The following IL1RAPL1 variants were observed in gnomAD, a reference collection of about 807,000 sequenced individuals.
IL1RAPL1 encodes interleukin 1 receptor accessory protein like 1.
Under a neutral mutation model 48.4 loss-of-function variants are expected in IL1RAPL1, and 3 were observed. That is an observed-to-expected ratio of 0.06 (90% CI 0.03 to 0.16). The LOEUF (loss-of-function observed/expected upper bound fraction) is 0.16. IL1RAPL1 is among the 10% of genes least tolerant of loss of function. IL1RAPL1 has a pLI of 1.00. For synonymous variants in IL1RAPL1, 185 were observed against 187.7 expected (o/e 0.99, Z 0.12); for missense variants, 349 against 530.6 (o/e 0.66, Z 3.36).
chrX:29,463,968 G>A (rs998160053), intron 5 of IL1RAPL1, among the ~76,000 whole-genome samples: 2 of 111,377 alleles, frequency 1.8e-5, no homozygotes, highest in Non-Finnish European at 1.9e-5. Context: ...TGGATATCCA[G>A]CCCAGTCCAG....
chrX:29,381,491 CAAAAAAAAAAAAAAAAAAAAAAA>C (rs548019465), intron 3 of IL1RAPL1, among the ~76,000 whole-genome samples: 8 of 6,461 alleles, frequency 1.2e-3, no homozygotes, highest in Middle Eastern at 0.5. Flanking sequence ...CTCATCTCTA[CAAAAAAAAAAAAAAAAAAAAAAA>C]AAAAAAAAAA....
At chrX:29,726,972 A>T (rs1483085182) in intron 6 of IL1RAPL1, among the ~76,000 whole-genome samples, 2 of 112,264 alleles carry the variant, frequency 1.8e-5, no homozygotes, top group Admixed American at 9.4e-5. Flanking sequence ...AAGGTGGTAC[A>T]GTCAGTGACA....
intron 8 of IL1RAPL1, among the ~76,000 whole-genome samples, chrX:29,922,076 G>A (rs140706994): frequency 0.046 from 5,092 of 110,424 alleles, 315 homozygotes; most frequent in African/African-American, 0.16. Flanking sequence ...GGACAAGGGA[G>A]GGGTGACAGT....
chrX:28,896,588 G>A (rs979699036), intron 2 of IL1RAPL1, among the ~76,000 whole-genome samples: 5 of 111,229 alleles, frequency 4.5e-5, no homozygotes, highest in Non-Finnish European at 7.5e-5. Context: ...AAGCTGGACC[G>A]GGTGTCAGGA....
At chrX:29,942,489 C>T (rs1398240682) in intron 9 of IL1RAPL1, among the ~76,000 whole-genome samples, 1 of 111,200 alleles carries the variant, frequency 9.0e-6, no homozygotes, top group Non-Finnish European at 1.9e-5. Context: ...AAATTCAGCT[C>T]CCTAAACTGC....
At chrX:29,176,152 G>C (rs1222419262) in intron 2 of IL1RAPL1, among the ~76,000 whole-genome samples, 1 of 99,542 alleles carries the variant, frequency 1.0e-5, no homozygotes. Context: ...GAAGTGCAGT[G>C]GTGCGATCTC....
At chrX:29,554,599 A>G (rs778547443) in intron 5 of IL1RAPL1, among the ~76,000 whole-genome samples, 1 of 111,875 alleles carries the variant, frequency 8.9e-6, no homozygotes, top group South Asian at 3.7e-4. Flanking sequence ...TTATTGAAGT[A>G]TCTTCTCTCA....
At chrX:29,864,134 T>C (rs1436160874) in intron 6 of IL1RAPL1, among the ~76,000 whole-genome samples, 4 of 112,512 alleles carry the variant, frequency 3.6e-5, no homozygotes, top group African/African-American at 1.3e-4. Flanking sequence ...AATTTACATT[T>C]CTAACAAGTT....
chrX:28,791,749 GT>G (rs1322353302), intron 2 of IL1RAPL1, among the ~76,000 whole-genome samples: 124 of 111,868 alleles, frequency 1.1e-3, no homozygotes, highest in African/African-American at 3.8e-3. Context: ...AGGCTTGTTT[GT>G]TTGTTTGATT....
intron 2 of IL1RAPL1, among the ~76,000 whole-genome samples, chrX:28,831,026 C>CTCTCTCTCTCTCTGTG (rs1438889606): frequency 1.8e-4 from 6 of 33,645 alleles, no homozygotes; most frequent in African/African-American, 4.5e-4. Context: ...CTCTCTCTCT[C>CTCTCTCTCTCTCTGTG]TGTGTGTGTG....
chrX:29,775,438 G>A (rs745576818), intron 6 of IL1RAPL1, among the ~76,000 whole-genome samples: 2 of 111,768 alleles, frequency 1.8e-5, no homozygotes, highest in South Asian at 3.8e-4. Flanking sequence ...TCATCCTTTT[G>A]TGGAAGAAAC....
intron 2 of IL1RAPL1, among the ~76,000 whole-genome samples, chrX:28,920,326 G>A (rs1923585255): frequency 9.0e-6 from 1 of 111,560 alleles, no homozygotes; most frequent in African/African-American, 3.3e-5. Context: ...CTATATTGCT[G>A]CTCTGAATCT....
chrX:29,033,519 G>C (rs1413437501), intron 2 of IL1RAPL1, among the ~76,000 whole-genome samples: 3 of 110,892 alleles, frequency 2.7e-5, no homozygotes, highest in Non-Finnish European at 5.7e-5. Context: ...CGAGATGGGA[G>C]AGTCTTGATC....
intron 2 of IL1RAPL1, among the ~76,000 whole-genome samples, chrX:29,114,514 C>T (rs956432568): frequency 8.9e-6 from 1 of 111,922 alleles, no homozygotes; most frequent in Non-Finnish European, 1.9e-5. Flanking sequence ...AAAATTTTGT[C>T]TCTTCAAATA....
intron 1 of IL1RAPL1, among the ~76,000 whole-genome samples, chrX:28,654,425 A>G (rs73630069): frequency 0.077 from 8,595 of 111,291 alleles, 281 homozygotes; most frequent in African/African-American, 0.13. Context: ...GACTTTTATT[A>G]TATTCACATA....
intron 1 of IL1RAPL1, among the ~76,000 whole-genome samples, chrX:28,678,099 G>A (rs1394258862): frequency 4.5e-5 from 5 of 111,830 alleles, no homozygotes; most frequent in Non-Finnish European, 9.4e-5. Context: ...GCAGATGGGA[G>A]ATGGCCAGGC....
intron 5 of IL1RAPL1, among the ~76,000 whole-genome samples, chrX:29,441,195 C>CCCTAACA (rs1445820675): frequency 9.0e-6 from 1 of 111,465 alleles, no homozygotes. Context: ...GTCCATGTTA[C>CCCTAACA]CCTAACATCT....
At chrX:29,612,306 C>A (rs188333653) in intron 5 of IL1RAPL1, among the ~76,000 whole-genome samples, 1 of 110,703 alleles carries the variant, frequency 9.0e-6, no homozygotes, top group East Asian at 2.8e-4. Flanking sequence ...AGTATTCTCT[C>A]CCCAAAACAT....
chrX:28,712,308 G>A (rs1935450680), intron 1 of IL1RAPL1, among the ~76,000 whole-genome samples: 1 of 110,359 alleles, frequency 9.1e-6, no homozygotes, highest in African/African-American at 3.3e-5. Context: ...CTTGGTGATT[G>A]TAGAAGTTTC....
Sources: allele counts gnomAD v4.1 joint callset (sites outside exome capture counted in the v4.1 genomes callset), GRCh38; gene constraint gnomAD v4.1.1; transcripts MANE v1.5; gene names NCBI Gene and HGNC (gene_info 2026-07-23, HGNC 2026-07-21).